MUS81: variants seen among roughly 807,000 people sequenced by gnomAD.
The protein encoded by MUS81 is structure-specific endonuclease subunit MUS81.
A neutral mutation model predicts 74.2 loss-of-function variants in MUS81; 69 were observed. The ratio of observed to expected loss-of-function variants is 0.93; its 90% CI spans 0.77 to 1.14. The LOEUF is 1.14. Ranked by LOEUF, MUS81 falls within the 50% of genes most tolerant of loss-of-function variation. MUS81 has a pLI of 0.00. For synonymous variants in MUS81, 303 were observed against 300.6 expected, an observed-to-expected ratio of 1.01 and a Z score of -0.08; for missense variants, 711 against 726.5, an observed-to-expected ratio of 0.98 and a Z score of 0.25.
intron 15 of MUS81, 41 bp downstream of exon 15, chr11:65,865,935 T>G (rs1591063190): frequency 6.2e-7 from 1 of 1,613,910 alleles, no homozygotes; most frequent in South Asian, 1.1e-5. Context: ...TGGCAGGGAC[T>G]GGGGCTGCCC....
chr11:65,864,859 G>A (rs769014817), intron 12 of MUS81, 44 bp downstream of exon 12: 10 of 1,593,734 alleles, frequency 6.3e-6, no homozygotes, highest in Non-Finnish European at 8.5e-6. Flanking sequence ...GAGCCCACAA[G>A]GAATTCACCT....
chr11:65,860,451 C>T lies in MUS81; in HGVS notation c.-303C>T, dbSNP rs1002399478. ...CTGGGGTGACAGGAAGGAGCCGGTC[C>T]AGGCTCCGGGGGCTGGGAAAGGGCG... On this transcript the variant is annotated 5_prime_UTR_variant, in exon 1 of 16. Coordinates refer to ENST00000308110, the MANE Select transcript of MUS81 (RefSeq NM_025128.5). The T allele has an allele frequency of 1.5e-5, 8 of 530,382 alleles. No homozygotes were observed. The highest frequency in any genetic ancestry group is 7.0e-6 in the Non-Finnish European group (2 of 286,760). 32.9% of individuals were successfully genotyped at this position (530,382 alleles called of 1,614,324 possible).
intron 5 of MUS81, 79 bp downstream of exon 5, chr11:65,862,358 A>G: frequency 6.3e-7 from 1 of 1,575,558 alleles, no homozygotes; most frequent in Non-Finnish European, 8.7e-7. Context: ...CAGTGGGCCC[A>G]TGTGTGGCCC....
At position 65,866,029 on chromosome 11, in the gene MUS81, T is replaced by C. The variant is rs1158597316; in HGVS notation, c.1633T>C (p.Cys545Arg). Reference sequence around the variant, plus strand: ...GAGCAGGACCTTATCCCAGCTCTACTGCAGCTACGGCCCCTTGACCTGAGC... The same window carrying C: ...GAGCAGGACCTTATCCCAGCTCTACCGCAGCTACGGCCCCTTGACCTGAGC... The part of the protein sequence containing the change: ...ALSRTLSQLY[C>R]SYGPLT The change falls in exon 16 of 16, where the codon TGC becomes CGC. Residue 545 changes from cysteine to arginine, a missense_variant. Coordinates refer to ENST00000308110, the MANE Select transcript of MUS81 (RefSeq NM_025128.5). 7 of 1,613,974 alleles carry C rather than the reference T, an allele frequency of 4.3e-6. No homozygotes were observed. Among genetic ancestry groups the C allele is most frequent in the Non-Finnish European group, 5.9e-6 (7 of 1,179,972 alleles).
chr11:65,861,708 GT>G (rs1859612817), intron 3 of MUS81: 1 of 603,506 alleles, frequency 1.7e-6, no homozygotes, highest in Admixed American at 3.0e-5. Flanking sequence ...AATTACACCT[GT>G]CCTGCAGCGC....
intron 8 of MUS81, 45 bp downstream of exon 8, chr11:65,863,547 G>A (rs777680272): frequency 4.5e-5 from 73 of 1,613,764 alleles, no homozygotes; most frequent in Middle Eastern, 3.3e-4. Flanking sequence ...AGAGGAGGCT[G>A]GGGGGTAGGC....
upstream of MUS81, chr11:65,860,322 G>T (rs1320094972): frequency 4.3e-6 from 2 of 465,174 alleles, no homozygotes; most frequent in East Asian, 6.7e-5. Flanking sequence ...CCTTAGAGCC[G>T]CCAAGCTCAG....
chr11:65,862,664 T>A, intron 6 of MUS81, 135 bp downstream of exon 6: 1 of 824,924 alleles, frequency 1.2e-6, no homozygotes, highest in Non-Finnish European at 1.9e-6. Context: ...CCCCCACTGT[T>A]GGAATACCTG....
Position 65,863,891 on chromosome 11 carries a change from G to A in MUS81, c.1049G>A (p.Arg350Gln), listed in dbSNP as rs200559028. 20 of 1,613,948 alleles carry A rather than the reference G, an allele frequency of 1.2e-5. 1 individual carries two copies. Among genetic ancestry groups the A allele is most frequent in the Middle Eastern group, 1.6e-4 (1 of 6,084 alleles). Reference protein sequence around the residue: ...LCSSIIDGRFREQKFRLKRCG... With the variant: ...LCSSIIDGRFQEQKFRLKRCG... ...AGCAGCATCATCGACGGCCGCTTCC[G>A]GGAGCAGAAGGTAATTTTGCTGGCT... The change falls in exon 10 of 16, where the codon CGG becomes CAG. Residue 350 changes from arginine to glutamine, a missense_variant. Coordinates refer to ENST00000308110, the MANE Select transcript of MUS81 (RefSeq NM_025128.5).
upstream of MUS81, chr11:65,860,414 C>A: frequency 4.0e-6 from 2 of 505,824 alleles, no homozygotes; most frequent in East Asian, 4.5e-5. Context: ...CACAAAGACC[C>A]CGCTCTCGAA....
At chr11:65,865,423 G>A in intron 14 of MUS81, 100 bp downstream of exon 14, 1 of 1,228,020 alleles carries the variant, frequency 8.1e-7, no homozygotes, top group Admixed American at 2.4e-5. Context: ...CCTTGTGTGG[G>A]CTCTGCAGAC....
At chr11:65,864,405 G>A in intron 10 of MUS81, 92 bp from the exon 11 acceptor site, 1 of 1,181,266 alleles carries the variant, frequency 8.5e-7, no homozygotes, top group Non-Finnish European at 1.3e-6. Flanking sequence ...TGGGAACAGG[G>A]TCCCGGCACC....
chr11:65,862,973 G>A, intron 6 of MUS81, 92 bp from the exon 7 acceptor site: 1 of 1,554,406 alleles, frequency 6.4e-7, no homozygotes, highest in Non-Finnish European at 8.8e-7. Flanking sequence ...GCGCCAAGGG[G>A]GTGGTGAGGC....
chr11:65,862,397 TGTG>T (rs1218271684), intron 5 of MUS81, 44 bp from the exon 6 acceptor site: 6 of 1,592,792 alleles, frequency 3.8e-6, no homozygotes, highest in South Asian at 3.3e-5. Context: ...AACATGGACT[TGTG>T]GTGGTACCAG....
chr11:65,865,527 G>C, intron 14 of MUS81: 1 of 644,994 alleles, frequency 1.6e-6, no homozygotes, highest in South Asian at 2.0e-5. Context: ...GGCCACAGGA[G>C]GGAGGGAGAC....
At position 65,863,081 on chromosome 11, in the gene MUS81, G is replaced by C; in HGVS notation, c.622G>C (p.Glu208Gln). Residue 208 changes from glutamate (E) to glutamine (Q), a missense_variant, in exon 7 of 16, where the codon GAG becomes CAG. By Grantham distance (29) the Glu-to-Gln change is conservative (BLOSUM62 2). Coordinates refer to ENST00000308110, the MANE Select transcript of MUS81 (RefSeq NM_025128.5). ...HQPARYSLTPEGLELAQKLAE... is the reference protein window; with the variant it reads ...HQPARYSLTPQGLELAQKLAE... The stretch of plus-strand genomic sequence containing the variant: ...GCCTCCCAGGTACTCATTGACCCCA[G>C]AGGGCCTGGAGCTGGCCCAGAAGTT... 6.2e-7 allele frequency: 1 copy of C among 1,614,144 alleles called. No homozygotes were observed. Among genetic ancestry groups the C allele is most frequent in the South Asian group, 1.1e-5 (1 of 91,092 alleles).
chr11:65,866,892 C>T, downstream of MUS81: 1 of 1,613,616 alleles, frequency 6.2e-7, no homozygotes, highest in Non-Finnish European at 8.5e-7. Context: ...AGGGTAGCTG[C>T]AGGGAGGGTG....
chr11:65,863,376 G>T (rs1408263884), intron 7 of MUS81, 34 bp from the exon 8 acceptor site: 4 of 1,612,922 alleles, frequency 2.5e-6, no homozygotes, highest in Non-Finnish European at 2.5e-6. Flanking sequence ...GGCACAAGGG[G>T]TTCTGGCCTC....
intron 3 of MUS81, 43 bp from the exon 4 acceptor site, chr11:65,861,904 G>T (rs755231193): frequency 2.0e-6 from 3 of 1,499,722 alleles, no homozygotes; most frequent in South Asian, 2.4e-5. Flanking sequence ...ATTCAAAGAT[G>T]ACTGGCTGGC....
Sources: gnomAD v4.1 joint callset for allele counts on GRCh38, gnomAD v4.1.1 for gene constraint, MANE v1.5 for transcripts, NCBI Gene and HGNC (gene_info 2026-07-23, HGNC 2026-07-21) for gene names.